KLHL1: variants seen among roughly 807,000 people sequenced by gnomAD.
KLHL1 encodes kelch-like protein 1.
Under a neutral mutation model 77.7 loss-of-function variants are expected in KLHL1, and 47 were observed. The observed-to-expected ratio is 0.60, with a 90% confidence interval of 0.48 to 0.77. The LOEUF is 0.77. Ranked by LOEUF, KLHL1 falls within the 30% of genes least tolerant of loss-of-function variation. The pLI is 0.00. For missense variants in KLHL1, 925 were observed against 910.8 expected, an observed-to-expected ratio of 1.02 and a Z score of -0.20; for synonymous variants, 360 against 325.2, an observed-to-expected ratio of 1.11 and a Z score of -1.15.
chr13:69,802,778 G>A (rs1799256868), intron 6 of KLHL1, among the ~76,000 whole-genome samples: 1 of 151,966 alleles, frequency 6.6e-6, no homozygotes, highest in South Asian at 2.1e-4. Context: ...GCTCAGTCAG[G>A]GAGCTCGGCT....
At chr13:69,912,391 GA>G (rs1384650822) in intron 4 of KLHL1, among the ~76,000 whole-genome samples, 1 of 152,072 alleles carries the variant, frequency 6.6e-6, no homozygotes, top group Non-Finnish European at 1.5e-5. Flanking sequence ...GGTAGTATCA[GA>G]AAAAAATTGT....
chr13:70,042,596 A>G (rs1051545074), intron 1 of KLHL1, among the ~76,000 whole-genome samples: 3 of 152,170 alleles, frequency 2.0e-5, no homozygotes, highest in Non-Finnish European at 4.4e-5. Flanking sequence ...CCAGCTCTAT[A>G]AAAAATACAA....
At chr13:69,861,793 A>C (rs1160260186) in intron 5 of KLHL1, among the ~76,000 whole-genome samples, 15 of 143,916 alleles carry the variant, frequency 1.0e-4, no homozygotes, top group African/African-American at 3.8e-4. Flanking sequence ...ACTAAAAAAA[A>C]AAAAAAAAAA....
Position 69,707,098 on chromosome 13 carries a change from T to A in KLHL1, c.2187+527A>T, listed in dbSNP as rs1875661751. 2.0e-5 allele frequency among the ~76,000 whole-genome samples: 3 copies of A among 152,056 alleles called. No individual in the cohort carries two copies. In the South Asian group the frequency reaches 6.2e-4, roughly 31 times the overall value. On this transcript the variant is annotated intron_variant, in intron 10 of 10. Transcript: ENST00000377844. Reference sequence around the variant, plus strand: ...TGCAAAGCCCTTTCCTGTTTATTCTTTTAATTGAACTGGGATTTTTAAAAG... The same window carrying A: ...TGCAAAGCCCTTTCCTGTTTATTCTATTAATTGAACTGGGATTTTTAAAAG...
At chr13:70,056,836 AATTTT>A (rs1225552220) in intron 1 of KLHL1, among the ~76,000 whole-genome samples, 2 of 152,162 alleles carry the variant, frequency 1.3e-5, no homozygotes, top group Non-Finnish European at 2.9e-5. Flanking sequence ...CCAAAGAGGA[AATTTT>A]ATTTTAATAA....
At chr13:69,927,861 T>G (rs776086839) in intron 4 of KLHL1, among the ~76,000 whole-genome samples, 1 of 152,182 alleles carries the variant, frequency 6.6e-6, no homozygotes, top group African/African-American at 2.4e-5. Flanking sequence ...ATGGAGTTAT[T>G]GTATAACCAT....
At chr13:69,773,863 C>CTATATATATATATATATATATATATA (rs72007331) in intron 7 of KLHL1, among the ~76,000 whole-genome samples, 2 of 145,974 alleles carry the variant, frequency 1.4e-5, no homozygotes, top group African/African-American at 5.0e-5. Context: ...AAGTCCTTGG[C>CTATATATATATATATATATATATATA]TATATATATA....
intron 1 of KLHL1, among the ~76,000 whole-genome samples, chr13:70,010,843 G>T (rs1490045379): frequency 6.6e-6 from 1 of 151,758 alleles, no homozygotes; most frequent in African/African-American, 2.4e-5. Context: ...AGTGAGCCAA[G>T]ATTGCGCCAT....
At chr13:69,814,267 T>C (rs935024347) in intron 6 of KLHL1, among the ~76,000 whole-genome samples, 1 of 152,150 alleles carries the variant, frequency 6.6e-6, no homozygotes, top group Non-Finnish European at 1.5e-5. Flanking sequence ...AAAACTTAAA[T>C]GTAAGACCTC....
intron 1 of KLHL1, among the ~76,000 whole-genome samples, chr13:70,058,530 C>T (rs1593709906): frequency 6.6e-6 from 1 of 152,054 alleles, no homozygotes. Flanking sequence ...AGTGGAAGAT[C>T]TCTATAAAGT....
intron 3 of KLHL1, among the ~76,000 whole-genome samples, chr13:69,940,731 A>C (rs537792350): frequency 7.9e-6 from 1 of 126,052 alleles, no homozygotes; most frequent in East Asian, 2.3e-4. Context: ...ATTGTCTATA[A>C]TTTTGGTTTT....
rs200138290 is a variant in KLHL1 at position 69,905,197 on chromosome 13, GGAATCT to G, written c.1015-22708_1015-22703del. On this transcript the variant is annotated intron_variant, in intron 4 of 10. Transcript: ENST00000377844. ...TTTGCCTAGTCCAACAGAATGTAAT[GGAATCT>G]ACATGTTGGTTTTTAAAATGTGGTG... 5.3e-5 allele frequency among the ~76,000 whole-genome samples: 8 copies of G among 152,190 alleles called. No individual in the cohort carries two copies. In the East Asian group the frequency reaches 1.5e-3, roughly 29 times the overall value.
At chr13:69,779,327 G>A (rs191055311) in intron 7 of KLHL1, among the ~76,000 whole-genome samples, 12,322 of 121,746 alleles carry the variant, frequency 0.1, 565 homozygotes, top group Non-Finnish European at 0.12. Flanking sequence ...GTTAAAAAAG[G>A]TCTTCCTTCC....
chr13:69,720,448 C>T (rs1355187511), intron 8 of KLHL1, among the ~76,000 whole-genome samples: 1 of 151,850 alleles, frequency 6.6e-6, no homozygotes, highest in Non-Finnish European at 1.5e-5. Flanking sequence ...TTGATATGTC[C>T]ATGAACAAAA....
intron 7 of KLHL1, among the ~76,000 whole-genome samples, chr13:69,771,292 A>G (rs1013056546): frequency 2.6e-5 from 4 of 151,354 alleles, no homozygotes; most frequent in Non-Finnish European, 4.4e-5. Context: ...AAAAAAAAAA[A>G]CATGCTCTTC....
chr13:69,807,271 C>G (rs1877655726), intron 6 of KLHL1, among the ~76,000 whole-genome samples: 1 of 152,026 alleles, frequency 6.6e-6, no homozygotes, highest in East Asian at 1.9e-4. Flanking sequence ...TCTCCAGGCT[C>G]AAGATACTAT....
intron 1 of KLHL1, among the ~76,000 whole-genome samples, chr13:70,038,485 A>G (rs61964240): frequency 0.057 from 8,570 of 149,194 alleles, 279 homozygotes; most frequent in South Asian, 0.065. Flanking sequence ...CTGCCAAATT[A>G]TTTTCCAGAG....
At chr13:69,885,321 G>C (rs1881176036) in intron 4 of KLHL1, among the ~76,000 whole-genome samples, 1 of 151,938 alleles carries the variant, frequency 6.6e-6, no homozygotes. Context: ...TAAATCTTTT[G>C]GTAACCAGCG....
chr13:69,736,259 T>C (rs768265379), intron 8 of KLHL1, among the ~76,000 whole-genome samples: 4 of 152,034 alleles, frequency 2.6e-5, no homozygotes, highest in Non-Finnish European at 4.4e-5. Context: ...AAAGAACATA[T>C]ACAAATGAGG....
Sources: gnomAD v4.1 joint callset for allele counts (sites outside exome capture counted in the v4.1 genomes callset) on GRCh38, gnomAD v4.1.1 for gene constraint, MANE v1.5 for transcripts, NCBI Gene and HGNC (gene_info 2026-07-23, HGNC 2026-07-21) for gene names.